The following MYO1H variants were observed in gnomAD, a reference collection of about 807,000 sequenced individuals.
MYO1H encodes unconventional myosin-Ih.
Under a neutral mutation model 149.3 loss-of-function variants are expected in MYO1H, and 118 were observed. The ratio of observed to expected loss-of-function variants is 0.79; its 90% CI spans 0.68 to 0.92. The LOEUF is 0.92. Ranked by LOEUF, MYO1H falls within the 40% of genes least tolerant of loss-of-function variation. The pLI is 0.00. For missense variants in MYO1H, 1,212 were observed against 1,280.7 expected, an observed-to-expected ratio of 0.95 and a Z score of 0.82; for synonymous variants, 447 against 465.2, an observed-to-expected ratio of 0.96 and a Z score of 0.50.
intron 31 of MYO1H, chr12:109,445,966 G>C: frequency 1.0e-6 from 1 of 985,364 alleles, no homozygotes; most frequent in Non-Finnish European, 1.2e-6. Context: ...AAATCAATGC[G>C]CTTGTGTCCC....
intron 1 of MYO1H, among the ~76,000 whole-genome samples, chr12:109,383,783 C>G (rs1869250540): frequency 6.6e-6 from 1 of 152,194 alleles, no homozygotes; most frequent in African/African-American, 2.4e-5. Flanking sequence ...CTGCCTCTAC[C>G]ATGGCATCTC....
Position 109,436,540 on chromosome 12 carries a change from GA to G in MYO1H, c.2200del (p.Arg734AspfsTer61). 2 of 1,607,494 alleles carry G rather than the reference GA, an allele frequency of 1.2e-6. No individual in the cohort carries two copies. The highest frequency in any genetic ancestry group is 2.2e-5 in the East Asian group (1 of 44,752). On this transcript the variant is annotated frameshift_variant, in exon 22 of 32. Coordinates refer to ENST00000310903, the Ensembl canonical transcript of MYO1H. LOFTEE classifies it high-confidence loss of function. ...GCTGCCTAGGAAGGAGAGAATACGT[GA>G]AAAAAAGACAAGCAGGTAAGAATTA...
chr12:109,358,286 A>G (rs1388506667), intron 1 of MYO1H, among the ~76,000 whole-genome samples: 2 of 152,120 alleles, frequency 1.3e-5, no homozygotes, highest in Non-Finnish European at 2.9e-5. Context: ...ACAAGACTGT[A>G]AACCTGAAGT....
At chr12:109,319,074 C>T in the MYO1H span, among the ~76,000 whole-genome samples, 5 of 145,940 alleles carry the variant, frequency 3.4e-5, no homozygotes, top group African/African-American at 1.0e-4. Context: ...ATGTTCTAAG[C>T]GTATACCCAA....
At chr12:109,396,523 A>G (rs1008583075) in exon 4 of MYO1H, 7 of 1,613,926 alleles carry the variant, frequency 4.3e-6, no homozygotes, top group Non-Finnish European at 5.1e-6. Flanking sequence ...GACCTGCCCA[A>G]TGACCCAGTC....
At chr12:109,317,694 A>C in the MYO1H span, among the ~76,000 whole-genome samples, 1 of 152,286 alleles carries the variant, frequency 6.6e-6, no homozygotes, top group South Asian at 2.1e-4. Context: ...CCTTTTAGGG[A>C]TACAGCCTCC....
At position 109,426,047 on chromosome 12, in the gene MYO1H, AC is replaced by A; in HGVS notation, c.1830del (p.Ser611AlafsTer8). The A allele has an allele frequency of 6.2e-7, 1 of 1,611,324 alleles. No homozygotes were observed. Among genetic ancestry groups the A allele is most frequent in the South Asian group, 1.1e-5 (1 of 90,962 alleles). ...GCATCAAGCCCAACGACAGGAAAGAACCCAGTGAGTTGTGGATCATTATGAA... is the reference window on the plus strand; with the variant it reads ...GCATCAAGCCCAACGACAGGAAAGAACCAGTGAGTTGTGGATCATTATGAA... On this transcript the variant is annotated frameshift_variant, in exon 18 of 32. Transcript: ENST00000310903. LOFTEE classifies it high-confidence loss of function.
intron 1 of MYO1H, among the ~76,000 whole-genome samples, chr12:109,358,406 T>C (rs1324413612): frequency 6.6e-6 from 1 of 152,120 alleles, no homozygotes; most frequent in African/African-American, 2.4e-5. Flanking sequence ...GTTGATCTCT[T>C]TTGGTTCTGC....
intron 1 of MYO1H, among the ~76,000 whole-genome samples, chr12:109,352,251 T>A (rs2136995251): frequency 6.6e-6 from 1 of 152,296 alleles, no homozygotes; most frequent in African/African-American, 2.4e-5. Context: ...TAGGAAATTG[T>A]AAGAAAATGA....
chr12:109,425,723 G>A (rs1034117202), intron 17 of MYO1H, among the ~76,000 whole-genome samples: 3 of 152,354 alleles, frequency 2.0e-5, no homozygotes, highest in South Asian at 4.1e-4. Context: ...ATCCTAGACA[G>A]ATGCTTGTCC....
At chr12:109,432,087 C>T (rs1171447436) in intron 19 of MYO1H, among the ~76,000 whole-genome samples, 1 of 144,716 alleles carries the variant, frequency 6.9e-6, no homozygotes, top group Admixed American at 7.1e-5. Context: ...CTGCAAGCTT[C>T]GCCTCCCAGG....
intron 1 of MYO1H, among the ~76,000 whole-genome samples, chr12:109,358,725 C>T (rs1868664097): frequency 6.6e-6 from 1 of 151,652 alleles, no homozygotes; most frequent in Non-Finnish European, 1.5e-5. Context: ...AAAGCGATAC[C>T]ATGAGCGTTT....
At chr12:109,409,925 C>A in intron 11 of MYO1H, 38 bp from the exon 12 acceptor site, 1 of 1,216,160 alleles carries the variant, frequency 8.2e-7, no homozygotes, top group Non-Finnish European at 1.1e-6. Flanking sequence ...TTGTTCTCTT[C>A]ATATAACTTT....
At chr12:109,325,534 C>A in the MYO1H span, among the ~76,000 whole-genome samples, 3 of 152,196 alleles carry the variant, frequency 2.0e-5, no homozygotes, top group Non-Finnish European at 4.4e-5. Context: ...GCAAAGACTT[C>A]ATGACTAAAA....
At chr12:109,428,807 C>G (rs761048115) in intron 19 of MYO1H, among the ~76,000 whole-genome samples, 4 of 55,192 alleles carry the variant, frequency 7.2e-5, no homozygotes, top group East Asian at 4.9e-4. Flanking sequence ...TCACCCCCCT[C>G]CAAACATATA....
At chr12:109,427,428 T>C (rs1420662775) in intron 18 of MYO1H, 41 bp from the exon 19 acceptor site, 1 of 1,331,212 alleles carries the variant, frequency 7.5e-7, no homozygotes, top group Non-Finnish European at 1.1e-6. Flanking sequence ...TATGAAGCCA[T>C]GGGATCCTTT....
At chr12:109,437,099 T>G (rs1359589485) in intron 22 of MYO1H, among the ~76,000 whole-genome samples, 2 of 152,050 alleles carry the variant, frequency 1.3e-5, no homozygotes, top group Non-Finnish European at 2.9e-5. Context: ...AGTGAGACCC[T>G]GTCTCAAAAA....
At chr12:109,350,165 A>G (rs1868434806) in intron 1 of MYO1H, among the ~76,000 whole-genome samples, 1 of 152,034 alleles carries the variant, frequency 6.6e-6, no homozygotes, top group Non-Finnish European at 1.5e-5. Flanking sequence ...ATGGTAGCAT[A>G]TTTAGTTCGC....
At chr12:109,431,731 T>C (rs1871629219) in intron 19 of MYO1H, among the ~76,000 whole-genome samples, 1 of 152,156 alleles carries the variant, frequency 6.6e-6, no homozygotes, top group South Asian at 2.1e-4. Flanking sequence ...GACTGCAGGG[T>C]AGAAGGGAAC....
Sources: gnomAD v4.1 joint callset for allele counts (sites outside exome capture counted in the v4.1 genomes callset) on GRCh38, gnomAD v4.1.1 for gene constraint, MANE v1.5 for transcripts, NCBI Gene and HGNC (gene_info 2026-07-23, HGNC 2026-07-21) for gene names.